MDGA2: variants seen among roughly 807,000 people sequenced by gnomAD.
The protein encoded by MDGA2 is MAM domain-containing glycosylphosphatidylinositol anchor protein 2.
A neutral mutation model predicts 117.8 loss-of-function variants in MDGA2; 40 were observed. The observed-to-expected ratio is 0.34, with a 90% CI of 0.26 to 0.44. The LOEUF (loss-of-function observed/expected upper bound fraction) is 0.44, where lower values mean the gene tolerates loss of function less well. Ranked by LOEUF, MDGA2 falls within the 20% of genes least tolerant of loss-of-function variation. The pLI, the probability that MDGA2 is intolerant of heterozygous loss-of-function variation, is 1.00. For missense variants in MDGA2, 1,123 were observed against 1,250.6 expected (o/e 0.90, Z 1.54); for synonymous variants, 452 against 439.0 (o/e 1.03, Z -0.37).
chr14:46,858,928 C>T (rs1881394693), intron 14 of MDGA2, among the ~76,000 whole-genome samples: 3 of 152,088 alleles, frequency 2.0e-5, no homozygotes. Flanking sequence ...TCTCAGAAGG[C>T]TATTGGCTCC....
chr14:47,515,106 A>T (rs772990656), intron 1 of MDGA2, among the ~76,000 whole-genome samples: 1 of 152,172 alleles, frequency 6.6e-6, no homozygotes, highest in Non-Finnish European at 1.5e-5. Flanking sequence ...TCTGCCAGTC[A>T]TAGTTAGAAA....
chr14:47,454,836 A>C (rs567191243), intron 1 of MDGA2, among the ~76,000 whole-genome samples: 1 of 150,430 alleles, frequency 6.6e-6, no homozygotes, highest in South Asian at 2.2e-4. Flanking sequence ...ATAATTCCAC[A>C]TTCTTCCAAG....
chr14:47,657,192 A>T (rs1253742048), intron 1 of MDGA2, among the ~76,000 whole-genome samples: 7 of 152,142 alleles, frequency 4.6e-5, no homozygotes, highest in African/African-American at 1.7e-4. Flanking sequence ...GCCATTCTGA[A>T]TATCCCTCAT....
Position 46,891,900 on chromosome 14 carries a change from C to T in MDGA2, c.2239-9679G>A, listed in dbSNP as rs565219510. The stretch of plus-strand genomic sequence containing the variant: ...ATGATATTTGAACTTTTGCAAGTTT[C>T]CTATCTAAACTTACAAAAGTAAATG... On this transcript the variant is annotated intron_variant, in intron 10 of 16. Coordinates refer to ENST00000399232, the MANE Select transcript of MDGA2 (RefSeq NM_001113498.3). Among the ~76,000 whole-genome samples the T allele has an allele frequency of 1.2e-3, 181 of 151,058 alleles. 1 individual carries two copies. In the Middle Eastern group the frequency reaches 0.014, roughly 12 times the overall value.
At chr14:47,200,658 GCC>G in intron 3 of MDGA2, 1 of 1,199,346 alleles carries the variant, frequency 8.3e-7, no homozygotes, top group Non-Finnish European at 1.2e-6. Context: ...TGTTTCCGTA[GCC>G]TCAAGAGCTG....
At chr14:47,568,324 A>T (rs1895956891) in intron 1 of MDGA2, among the ~76,000 whole-genome samples, 1 of 152,190 alleles carries the variant, frequency 6.6e-6, no homozygotes, top group East Asian at 1.9e-4. Flanking sequence ...AACATATAAA[A>T]CTTAATGAAT....
intron 1 of MDGA2, among the ~76,000 whole-genome samples, chr14:47,408,098 C>G (rs1483643677): frequency 1.5e-5 from 2 of 130,058 alleles, no homozygotes; most frequent in Non-Finnish European, 3.1e-5. Flanking sequence ...GCTCTGTTGC[C>G]AGGCTGGAGT....
At chr14:46,894,417 A>AC (rs1883000115) in intron 10 of MDGA2, among the ~76,000 whole-genome samples, 1 of 151,536 alleles carries the variant, frequency 6.6e-6, no homozygotes. Flanking sequence ...AAATTTATAA[A>AC]TTTTTTTTTC....
intron 1 of MDGA2, among the ~76,000 whole-genome samples, chr14:47,343,971 A>G (rs1047765282): frequency 3.3e-5 from 5 of 152,158 alleles, no homozygotes; most frequent in Non-Finnish European, 7.4e-5. Flanking sequence ...GACTCTTGGA[A>G]AAGAGTGTAT....
At chr14:47,513,325 G>A (rs1955778) in intron 1 of MDGA2, among the ~76,000 whole-genome samples, 65,985 of 151,928 alleles carry the variant, frequency 0.43, 14,757 homozygotes, top group East Asian at 0.61. Context: ...TTATGTACTA[G>A]TGGTGCTTAC....
intron 6 of MDGA2, among the ~76,000 whole-genome samples, chr14:47,092,901 G>A (rs773057668): frequency 7.2e-5 from 11 of 152,052 alleles, no homozygotes; most frequent in Non-Finnish European, 1.3e-4. Flanking sequence ...TGGACTCAGG[G>A]AAACGCCCAT....
chr14:47,443,533 A>G (rs1161072897), intron 1 of MDGA2, among the ~76,000 whole-genome samples: 1 of 152,144 alleles, frequency 6.6e-6, no homozygotes, highest in Non-Finnish European at 1.5e-5. Flanking sequence ...TTGTTTCCGT[A>G]TATTTACTAT....
chr14:47,398,195 A>G (rs534952094), intron 1 of MDGA2, among the ~76,000 whole-genome samples: 24 of 152,226 alleles, frequency 1.6e-4, no homozygotes, highest in Admixed American at 1.5e-3. Context: ...CTGAGCCCAC[A>G]TTTTCCATGA....
intron 1 of MDGA2, among the ~76,000 whole-genome samples, chr14:47,341,426 AC>A (rs1890618956): frequency 6.6e-6 from 1 of 152,190 alleles, no homozygotes; most frequent in African/African-American, 2.4e-5. Context: ...TAAAATGAAA[AC>A]TATTTAAAGT....
intron 10 of MDGA2, among the ~76,000 whole-genome samples, chr14:46,910,715 G>A (rs982420073): frequency 6.6e-6 from 1 of 152,128 alleles, no homozygotes; most frequent in Non-Finnish European, 1.5e-5. Flanking sequence ...ACATGATCCT[G>A]TATCTAGCAA....
Position 47,175,514 on chromosome 14 carries a change from T to G in MDGA2, c.596-31240A>C, listed in dbSNP as rs987460910. On this transcript the variant is annotated intron_variant, in intron 3 of 16. Coordinates refer to ENST00000399232, the MANE Select transcript of MDGA2 (RefSeq NM_001113498.3). ...TTCAATATACGCAAATCAATAAATG[T>G]AATCCAGCATATAAACAGAACCAAA... 1.6e-4 allele frequency among the ~76,000 whole-genome samples: 24 copies of G among 151,242 alleles called. 1 individual carries two copies. Among genetic ancestry groups the G allele is most frequent in the African/African-American group, 5.9e-4 (24 of 40,918 alleles).
intron 1 of MDGA2, among the ~76,000 whole-genome samples, chr14:47,361,276 C>T (rs578129271): frequency 9.1e-4 from 136 of 149,552 alleles, no homozygotes; most frequent in African/African-American, 2.9e-3. Context: ...TGCTTGTGTG[C>T]GCAGAGGTAC....
chr14:47,023,494 T>C (rs1888367287), intron 8 of MDGA2, among the ~76,000 whole-genome samples: 3 of 152,170 alleles, frequency 2.0e-5, no homozygotes, highest in African/African-American at 7.2e-5. Flanking sequence ...CATAACAAGA[T>C]TTCTTTTCAT....
intron 10 of MDGA2, among the ~76,000 whole-genome samples, chr14:46,899,113 C>A (rs1388765298): frequency 6.6e-6 from 1 of 151,960 alleles, no homozygotes; most frequent in Non-Finnish European, 1.5e-5. Context: ...TACTTTTTCT[C>A]TCCCACACCA....
Sources: allele counts gnomAD v4.1 joint callset (sites outside exome capture counted in the v4.1 genomes callset), GRCh38; gene constraint gnomAD v4.1.1; transcripts MANE v1.5; gene names NCBI Gene and HGNC (gene_info 2026-07-23, HGNC 2026-07-21).